Variants in BMP2K observed in about 807,000 individuals in gnomAD.
BMP2K encodes BMP-2-inducible protein kinase.
Under a neutral mutation model 116.0 loss-of-function variants are expected in BMP2K, and 74 were observed. The ratio of observed to expected loss-of-function variants is 0.64; its 90% CI spans 0.53 to 0.77. BMP2K has a LOEUF of 0.77. Among genes scored for constraint, BMP2K ranks in the 30% least tolerant of loss-of-function variants. The probability of loss-of-function intolerance (pLI) is 0.00; values close to 1 mark genes in which losing one functional copy is unlikely to be tolerated. For synonymous variants in BMP2K, 486 were observed against 502.5 expected (o/e 0.97, Z 0.44); for missense variants, 1,365 against 1,403.6 (o/e 0.97, Z 0.44).
At chr4:78,910,526 C>T in intron 15 of BMP2K, 84 bp from the exon 16 acceptor site, 1 of 1,103,536 alleles carries the variant, frequency 9.1e-7, no homozygotes, top group Non-Finnish European at 1.3e-6. Flanking sequence ...TTTGTAATGC[C>T]ATGTGTAATA....
chr4:78,905,922 A>C (rs575864604), intron 15 of BMP2K, among the ~76,000 whole-genome samples: 30 of 152,200 alleles, frequency 2.0e-4, no homozygotes, highest in African/African-American at 6.0e-4. Flanking sequence ...TTGTATAGTT[A>C]TAACCAACTT....
chr4:78,835,615 G>A (rs1390533134), intron 3 of BMP2K, among the ~76,000 whole-genome samples: 7 of 139,564 alleles, frequency 5.0e-5, no homozygotes, highest in African/African-American at 1.9e-4. Context: ...GGCACATAGC[G>A]AGACTCCGTG....
At chr4:78,794,224 A>G (rs1728145011) in intron 1 of BMP2K, among the ~76,000 whole-genome samples, 1 of 147,492 alleles carries the variant, frequency 6.8e-6, no homozygotes, top group South Asian at 2.3e-4. Flanking sequence ...GCTGAGTGAA[A>G]TCTGTGTTGC....
intron 1 of BMP2K, among the ~76,000 whole-genome samples, chr4:78,798,909 T>C (rs1208847886): frequency 6.6e-6 from 1 of 152,228 alleles, no homozygotes; most frequent in Non-Finnish European, 1.5e-5. Context: ...TTATGGCACT[T>C]ACTTTGTCTG....
chr4:78,846,341 G>C (rs1730999093), intron 5 of BMP2K, among the ~76,000 whole-genome samples: 1 of 151,454 alleles, frequency 6.6e-6, no homozygotes, highest in South Asian at 2.1e-4. Flanking sequence ...TGGCTTCTTA[G>C]GTCATTCCTC....
chr4:78,795,807 C>A (rs1386761346), intron 1 of BMP2K, among the ~76,000 whole-genome samples: 1 of 152,138 alleles, frequency 6.6e-6, no homozygotes, highest in African/African-American at 2.4e-5. Context: ...ATCTCACTGG[C>A]CATCAGAGAA....
chr4:78,819,039 C>T (rs991898446), intron 1 of BMP2K, among the ~76,000 whole-genome samples: 1 of 151,898 alleles, frequency 6.6e-6, no homozygotes, highest in Admixed American at 6.6e-5. Flanking sequence ...ATAAGCACTT[C>T]TATGTATAAT....
At chr4:78,786,900 T>A (rs1727757838) in intron 1 of BMP2K, among the ~76,000 whole-genome samples, 1 of 152,222 alleles carries the variant, frequency 6.6e-6, no homozygotes, top group Admixed American at 6.5e-5. Context: ...TTGTATTCAT[T>A]CTTTTTTTCC....
At position 78,915,645 on chromosome 4, in the gene BMP2K, G is replaced by A. The variant is rs1260019351; in HGVS notation, c.*3612G>A. Reference sequence around the variant, plus strand: ...TTAAGATAAAAATATGTACACACATGCATGTCACATCTCTCTACTGTGGAG... The same window carrying A: ...TTAAGATAAAAATATGTACACACATACATGTCACATCTCTCTACTGTGGAG... On this transcript the variant is annotated 3_prime_UTR_variant, in exon 16 of 16. Coordinates refer to ENST00000502613, the MANE Select transcript of BMP2K (RefSeq NM_198892.2). 6.6e-6 allele frequency: 1 copy of A among 151,808 alleles called. No individual in the cohort carries two copies. The highest frequency in any genetic ancestry group is 1.5e-5 in the Non-Finnish European group (1 of 67,874). The allele number at this position is 151,808 out of a possible 1,614,324, so 9.4% of individuals were successfully genotyped here.
intron 15 of BMP2K, among the ~76,000 whole-genome samples, chr4:78,894,392 CG>C (rs1441748635): frequency 6.6e-6 from 1 of 152,130 alleles, no homozygotes; most frequent in African/African-American, 2.4e-5. Flanking sequence ...TGAAATCTTC[CG>C]GATAACTTGT....
chr4:78,841,828 C>G (rs535265669), intron 3 of BMP2K, among the ~76,000 whole-genome samples: 1 of 152,042 alleles, frequency 6.6e-6, no homozygotes, highest in Admixed American at 6.6e-5. Context: ...TCTCCCAAGT[C>G]TCTGCCTGGT....
chr4:78,820,451 C>T (rs544605995), intron 1 of BMP2K, among the ~76,000 whole-genome samples: 20 of 152,096 alleles, frequency 1.3e-4, no homozygotes, highest in Middle Eastern at 3.4e-3. Context: ...ATATGGAAAC[C>T]GATGTACTTC....
chr4:78,802,935 C>T (rs1278310094), intron 1 of BMP2K, among the ~76,000 whole-genome samples: 1 of 151,954 alleles, frequency 6.6e-6, no homozygotes, highest in Non-Finnish European at 1.5e-5. Context: ...CTGCAACCTC[C>T]GCCTCCCAGG....
intron 3 of BMP2K, among the ~76,000 whole-genome samples, chr4:78,840,953 A>G (rs1730731261): frequency 6.6e-6 from 1 of 152,120 alleles, no homozygotes; most frequent in Non-Finnish European, 1.5e-5. Context: ...ATTCTGTTTA[A>G]TTATTCTTAA....
chr4:78,817,909 A>G, intron 1 of BMP2K, among the ~76,000 whole-genome samples: 1 of 152,224 alleles, frequency 6.6e-6, no homozygotes, highest in African/African-American at 2.4e-5. Flanking sequence ...GCTCTGTACC[A>G]GAAACTAGGA....
intron 15 of BMP2K, among the ~76,000 whole-genome samples, chr4:78,899,797 T>C (rs899062014): frequency 2.0e-5 from 3 of 152,178 alleles, no homozygotes; most frequent in Non-Finnish European, 4.4e-5. Flanking sequence ...GTTGGAATCC[T>C]GATTGCAGTG....
At chr4:78,805,337 G>A (rs962532746) in intron 1 of BMP2K, among the ~76,000 whole-genome samples, 1 of 152,094 alleles carries the variant, frequency 6.6e-6, no homozygotes, top group Non-Finnish European at 1.5e-5. Context: ...TTTTGAAACT[G>A]GGAAGTGTGA....
chr4:78,822,304 C>A (rs981163904), intron 1 of BMP2K, among the ~76,000 whole-genome samples: 6 of 152,038 alleles, frequency 3.9e-5, no homozygotes, highest in African/African-American at 1.4e-4. Flanking sequence ...CATTAGGTGT[C>A]CTATGAAATT....
chr4:78,873,680 G>A (rs948538551), intron 13 of BMP2K, among the ~76,000 whole-genome samples: 2 of 132,706 alleles, frequency 1.5e-5, no homozygotes, highest in African/African-American at 8.5e-5. Context: ...GTGTGTGTGT[G>A]TGTGTGTGTG....
Sources: gnomAD v4.1 joint callset for allele counts (sites outside exome capture counted in the v4.1 genomes callset) on GRCh38, gnomAD v4.1.1 for gene constraint, MANE v1.5 for transcripts, NCBI Gene and HGNC (gene_info 2026-07-23, HGNC 2026-07-21) for gene names.